TTC7B: variants seen among roughly 807,000 people sequenced by gnomAD.
TTC7B encodes the protein tetratricopeptide repeat domain 7B, also known as tetratricopeptide repeat protein 7B.
A neutral mutation model predicts 106.8 loss-of-function variants in TTC7B; 28 were observed. That is an observed-to-expected ratio of 0.26 (90% CI 0.19 to 0.36). The LOEUF is 0.36. Ranked by LOEUF, TTC7B falls within the 10% of genes least tolerant of loss-of-function variation. TTC7B has a pLI of 1.00. For missense variants in TTC7B, 862 were observed against 1,076.4 expected (o/e 0.80, Z 2.79); for synonymous variants, 405 against 430.6 (o/e 0.94, Z 0.74).
At chr14:90,659,763 G>A (rs754851624) in intron 9 of TTC7B, among the ~76,000 whole-genome samples, 5 of 152,056 alleles carry the variant, frequency 3.3e-5, no homozygotes, top group Non-Finnish European at 7.4e-5. Context: ...TGGAGATGAG[G>A]TATGAAGGAA....
At chr14:90,769,016 A>G (rs1728631617) in intron 3 of TTC7B, among the ~76,000 whole-genome samples, 1 of 152,208 alleles carries the variant, frequency 6.6e-6, no homozygotes, top group Admixed American at 6.5e-5. Flanking sequence ...GGGTAAAGAT[A>G]TAATTTTGTG....
At position 90,537,380 on chromosome 14, in the gene TTC7B, G is replaced by GAGGGGC. The variant is rs1465269494; in HGVS notation, c.*3987_*3988insGCCCCT. 6.7e-6 allele frequency: 1 copy of GAGGGGC among 149,816 alleles called. No homozygotes were observed. The highest frequency in any genetic ancestry group is 2.5e-5 in the African/African-American group (1 of 40,146). 9.3% of individuals were successfully genotyped at this position (149,816 alleles called of 1,614,324 possible). ...TTTTTTTTTTTGTAGAGATGGGGGG[G>GAGGGGC]GGGTCTCACCATGTTGCCCAGGCTG... On this transcript the variant is annotated 3_prime_UTR_variant, in exon 20 of 20. Coordinates refer to ENST00000328459, the MANE Select transcript of TTC7B (RefSeq NM_001010854.2).
At position 90,759,090 on chromosome 14, in the gene TTC7B, G is replaced by A. The variant is rs1274893883; in HGVS notation, c.446-14168C>T. Among the ~76,000 whole-genome samples, 2 of 152,156 alleles carry A rather than the reference G, an allele frequency of 1.3e-5. No individual in the cohort carries two copies. Among genetic ancestry groups the A allele is most frequent in the African/African-American group, 2.4e-5 (1 of 41,428 alleles). ...GCAGCTGCCTGCCTCTGCCTGGTTC[G>A]AGGAAGGCCCAGCCAGGCCGGCCCC... On this transcript the variant is annotated intron_variant, in intron 3 of 19. Coordinates refer to ENST00000328459, the MANE Select transcript of TTC7B (RefSeq NM_001010854.2). This position sits in a 1 kb window ranked among gnomAD's most constrained non-coding sequence, Gnocchi z 4.1.
At chr14:90,545,756 G>C (rs1218427674) in intron 19 of TTC7B, among the ~76,000 whole-genome samples, 1 of 152,194 alleles carries the variant, frequency 6.6e-6, no homozygotes, top group Non-Finnish European at 1.5e-5. Flanking sequence ...ATGGGACAGG[G>C]GCATGTCTAA....
intron 9 of TTC7B, among the ~76,000 whole-genome samples, chr14:90,665,122 C>T (rs1164451125): frequency 6.6e-6 from 1 of 152,080 alleles, no homozygotes; most frequent in Non-Finnish European, 1.5e-5. Context: ...CCCTGAGTCA[C>T]CCACACAAAA....
chr14:90,581,875 G>A (rs1299876848), intron 18 of TTC7B, among the ~76,000 whole-genome samples: 3 of 152,174 alleles, frequency 2.0e-5, no homozygotes, highest in Non-Finnish European at 4.4e-5. Flanking sequence ...CCCTTCACGT[G>A]ATGGGGAAAT....
At chr14:90,601,371 A>G (rs1041537220) in intron 17 of TTC7B, among the ~76,000 whole-genome samples, 1 of 152,200 alleles carries the variant, frequency 6.6e-6, no homozygotes, top group African/African-American at 2.4e-5. Flanking sequence ...ATGCAGCTCA[A>G]TAAAATGCTT....
intron 2 of TTC7B, among the ~76,000 whole-genome samples, chr14:90,782,719 C>T (rs546267166): frequency 2.8e-4 from 42 of 152,258 alleles, no homozygotes; most frequent in African/African-American, 9.4e-4. Flanking sequence ...AAGCTTCTAG[C>T]CTCTAAGAAC....
At chr14:90,729,777 G>C (rs1362987577) in intron 5 of TTC7B, among the ~76,000 whole-genome samples, 1 of 152,124 alleles carries the variant, frequency 6.6e-6, no homozygotes, top group African/African-American at 2.4e-5. Context: ...TTCATGGAGG[G>C]AGGGCATGGG....
chr14:90,769,376 T>G (rs1890789765), intron 3 of TTC7B, among the ~76,000 whole-genome samples: 1 of 152,166 alleles, frequency 6.6e-6, no homozygotes, highest in Non-Finnish European at 1.5e-5. Context: ...AGATGGAGAT[T>G]GACAGAATGG....
rs116276485 is a variant in TTC7B, at chr14:90,813,364, G to T, written c.121+2811C>A. On this transcript the variant is annotated intron_variant, in intron 1 of 19. Coordinates refer to ENST00000328459, the MANE Select transcript of TTC7B (RefSeq NM_001010854.2). ...CTACTGGGATGTGAGTTTCATAAGG[G>T]CTGAGATTTTTGCCATTTTTGTCTG... is the stretch of plus-strand genomic sequence containing the variant. 3.8e-3 allele frequency among the ~76,000 whole-genome samples: 574 copies of T among 152,280 alleles called. 2 individuals are homozygous for T. Among genetic ancestry groups the T allele is most frequent in the African/African-American group, 0.013 (552 of 41,550 alleles).
At chr14:90,766,515 C>T in intron 3 of TTC7B, 2 of 737,790 alleles carry the variant, frequency 2.7e-6, no homozygotes, top group South Asian at 2.9e-5. Flanking sequence ...TACGTGCCAC[C>T]TCTTGTACTG....
intron 7 of TTC7B, among the ~76,000 whole-genome samples, chr14:90,682,845 G>C (rs572774649): frequency 6.6e-6 from 1 of 152,180 alleles, no homozygotes; most frequent in Non-Finnish European, 1.5e-5. Flanking sequence ...GTGCGTCCTC[G>C]TCCCAGCCAT....
At position 90,624,764 on chromosome 14, in the gene TTC7B, T is replaced by TA. The variant is rs1884363844; in HGVS notation, c.1752-6720dup. Among the ~76,000 whole-genome samples the TA allele has an allele frequency of 6.6e-6, 1 of 152,230 alleles. No homozygotes were observed. The highest frequency in any genetic ancestry group is 1.5e-5 in the Non-Finnish European group (1 of 68,034). ...ATTAATACACAAAACCTTCACTAAT[T>TA]AGGTGATCCGTGAATGCTGCAGTCT... is the stretch of plus-strand genomic sequence containing the variant. On this transcript the variant is annotated intron_variant, in intron 15 of 19. Transcript: ENST00000328459. This position sits in a 1 kb window ranked among gnomAD's most constrained non-coding sequence, Gnocchi z 4.0.
intron 1 of TTC7B, among the ~76,000 whole-genome samples, chr14:90,801,728 G>T (rs2030279713): frequency 6.6e-6 from 1 of 152,168 alleles, no homozygotes; most frequent in Non-Finnish European, 1.5e-5. Flanking sequence ...GATTAGGAAG[G>T]GTTTCTGGAA....
chr14:90,690,411 C>T (rs1887425217), intron 6 of TTC7B, among the ~76,000 whole-genome samples: 1 of 152,182 alleles, frequency 6.6e-6, no homozygotes, highest in Non-Finnish European at 1.5e-5. Context: ...TGGATCCTGT[C>T]CTCCAAGTTA....
chr14:90,789,538 C>T (rs900698123), intron 1 of TTC7B, among the ~76,000 whole-genome samples: 1 of 151,664 alleles, frequency 6.6e-6, no homozygotes, highest in African/African-American at 2.4e-5. Context: ...GCCTGGACAA[C>T]ATCGCAAGAA....
intron 8 of TTC7B, chr14:90,677,703 T>A (rs1886895055): frequency 8.1e-6 from 3 of 370,068 alleles, no homozygotes; most frequent in Non-Finnish European, 1.6e-5. Context: ...ACGTTGATCT[T>A]CCCCCTGACA....
At chr14:90,633,730 T>C (rs1884802561) in intron 15 of TTC7B, among the ~76,000 whole-genome samples, 1 of 152,114 alleles carries the variant, frequency 6.6e-6, no homozygotes, top group East Asian at 1.9e-4. Flanking sequence ...GTAAAATGTA[T>C]TAATGAAGGG....
Sources: gnomAD v4.1 joint callset for allele counts (sites outside exome capture counted in the v4.1 genomes callset) on GRCh38, gnomAD v4.1.1 for gene constraint, Gnocchi (gnomAD v3.1) non-coding constraint, MANE v1.5 for transcripts, NCBI Gene and HGNC (gene_info 2026-07-23, HGNC 2026-07-21) for gene names.